The following ADGRL3 variants were observed in gnomAD, a reference collection of about 807,000 sequenced individuals.
The protein encoded by ADGRL3 is adhesion G protein-coupled receptor L3.
In ADGRL3, 62 loss-of-function variants were observed where a neutral mutation model predicts 153.5. The observed-to-expected ratio is 0.40, with a 90% CI of 0.33 to 0.50. ADGRL3 has a LOEUF of 0.50. Ranked by LOEUF, ADGRL3 falls within the 20% of genes least tolerant of loss-of-function variation. ADGRL3 has a pLI of 0.47. For missense variants in ADGRL3, 1,641 were observed against 1,859.4 expected (o/e 0.88, Z 2.16); for synonymous variants, 710 against 672.5 (o/e 1.06, Z -0.86).
intron 8 of ADGRL3, among the ~76,000 whole-genome samples, chr4:61,745,062 A>G (rs1249196909): frequency 6.6e-6 from 1 of 152,246 alleles, no homozygotes; most frequent in Non-Finnish European, 1.5e-5. Flanking sequence ...GAACTATGTG[A>G]AGAATGCAGA....
intron 6 of ADGRL3, among the ~76,000 whole-genome samples, chr4:61,707,321 C>G (rs1031880967): frequency 6.6e-6 from 1 of 152,156 alleles, no homozygotes; most frequent in South Asian, 2.1e-4. Context: ...TGTTGAAAAA[C>G]ATGGCGCCAA....
chr4:61,378,892 A>G (rs1467345039), intron 1 of ADGRL3, among the ~76,000 whole-genome samples: 1 of 151,982 alleles, frequency 6.6e-6, no homozygotes, highest in Non-Finnish European at 1.5e-5. Context: ...CCAGTGAGAC[A>G]AGATTAGTGG....
chr4:62,007,790 C>A (rs543244906), intron 21 of ADGRL3, among the ~76,000 whole-genome samples: 1 of 151,900 alleles, frequency 6.6e-6, no homozygotes, highest in Non-Finnish European at 1.5e-5. Flanking sequence ...GGGTCAGGGT[C>A]GATTTTATTT....
At chr4:61,876,705 G>T (rs1012090476) in intron 9 of ADGRL3, among the ~76,000 whole-genome samples, 9 of 150,736 alleles carry the variant, frequency 6.0e-5, no homozygotes. Flanking sequence ...GTTTGAGAAA[G>T]AAATAACCCT....
At chr4:62,042,757 T>C (rs1321649741) in intron 24 of ADGRL3, among the ~76,000 whole-genome samples, 2 of 152,090 alleles carry the variant, frequency 1.3e-5, no homozygotes, top group Admixed American at 1.3e-4. Flanking sequence ...GGTAAAAATC[T>C]TTAAAAATTC....
At chr4:61,269,868 A>G (rs1348429121) in intron 1 of ADGRL3, among the ~76,000 whole-genome samples, 2 of 151,700 alleles carry the variant, frequency 1.3e-5, no homozygotes, top group Non-Finnish European at 3.0e-5. Context: ...AGCTGGCAGA[A>G]TCTTTTACAA....
At chr4:61,291,594 A>G (rs1195431427) in intron 1 of ADGRL3, among the ~76,000 whole-genome samples, 5 of 11,198 alleles carry the variant, frequency 4.5e-4, no homozygotes, top group Non-Finnish European at 1.2e-3. Flanking sequence ...ATATATATAT[A>G]TATATATATA....
chr4:61,920,762 G>A (rs546056348), intron 13 of ADGRL3, among the ~76,000 whole-genome samples: 69 of 152,262 alleles, frequency 4.5e-4, no homozygotes, highest in African/African-American at 1.5e-3. Context: ...AGAAGGAAAA[G>A]GATAAGTATC....
chr4:61,595,148 T>G (rs948675650), intron 5 of ADGRL3, among the ~76,000 whole-genome samples: 19 of 152,178 alleles, frequency 1.2e-4, no homozygotes, highest in African/African-American at 4.6e-4. Flanking sequence ...AGGGCCTGAT[T>G]GCTACCCTAT....
intron 8 of ADGRL3, among the ~76,000 whole-genome samples, chr4:61,765,222 G>A (rs1024028193): frequency 6.6e-5 from 10 of 152,162 alleles, no homozygotes; most frequent in South Asian, 2.1e-4. Flanking sequence ...AGTTGAGAAC[G>A]GTGAATAGGA....
intron 6 of ADGRL3, among the ~76,000 whole-genome samples, chr4:61,681,226 A>G (rs1164113823): frequency 1.6e-4 from 24 of 152,132 alleles, no homozygotes; most frequent in Admixed American, 1.6e-3. Flanking sequence ...AGAAGGCAAT[A>G]AAACAACTAA....
intron 4 of ADGRL3, among the ~76,000 whole-genome samples, chr4:61,554,801 T>C (rs113085152): frequency 2.6e-5 from 4 of 152,136 alleles, no homozygotes; most frequent in Admixed American, 6.5e-5. Context: ...GGAAAACAGA[T>C]TGACGGAAGT....
At chr4:61,301,194 A>G (rs1480414698) in intron 1 of ADGRL3, among the ~76,000 whole-genome samples, 1 of 152,238 alleles carries the variant, frequency 6.6e-6, no homozygotes, top group Non-Finnish European at 1.5e-5. Context: ...TCTGGAAGAT[A>G]CTAGTAATTA....
intron 4 of ADGRL3, among the ~76,000 whole-genome samples, chr4:61,528,513 T>C (rs1222289933): frequency 6.6e-6 from 1 of 152,016 alleles, no homozygotes; most frequent in Admixed American, 6.6e-5. Context: ...AATAAATTAA[T>C]AGGATTTTGG....
intron 9 of ADGRL3, among the ~76,000 whole-genome samples, chr4:61,824,933 T>C (rs770135251): frequency 5.3e-5 from 8 of 152,196 alleles, no homozygotes; most frequent in Non-Finnish European, 1.0e-4. Context: ...GGAATTGTTA[T>C]ACATACAACA....
intron 5 of ADGRL3, among the ~76,000 whole-genome samples, chr4:61,596,855 C>G (rs1052533074): frequency 1.3e-5 from 2 of 151,950 alleles, no homozygotes; most frequent in Non-Finnish European, 2.9e-5. Flanking sequence ...AATACCCTGT[C>G]TCAAAAAACT....
At chr4:61,786,722 T>C (rs896323177) in intron 8 of ADGRL3, among the ~76,000 whole-genome samples, 3 of 152,212 alleles carry the variant, frequency 2.0e-5, no homozygotes, top group African/African-American at 7.2e-5. Context: ...TATAAATTAA[T>C]AAGATTTTTA....
At chr4:61,753,462 T>A (rs1192756818) in intron 8 of ADGRL3, among the ~76,000 whole-genome samples, 1 of 152,168 alleles carries the variant, frequency 6.6e-6, no homozygotes, top group Non-Finnish European at 1.5e-5. Context: ...TATGGAAGTT[T>A]CCAGTCTCAA....
At position 61,923,443 on chromosome 4, in the gene ADGRL3, T is replaced by G. The variant is rs1581477930; in HGVS notation, c.2112+10686T>G. Among the ~76,000 whole-genome samples the G allele has an allele frequency of 2.7e-5, 4 of 150,862 alleles. No individual in the cohort carries two copies. In the South Asian group the frequency reaches 8.3e-4, roughly 31 times the overall value. On this transcript the variant is annotated intron_variant, in intron 13 of 26. Coordinates refer to ENST00000683033, the MANE Select transcript of ADGRL3 (RefSeq NM_001387552.1). ...TGTCCCTTACTCTCTTTTGCCCTTA[T>G]AGAAAAAAATCCCTTTTTGAACTAC...
Sources: allele counts gnomAD v4.1 joint callset (sites outside exome capture counted in the v4.1 genomes callset), GRCh38; gene constraint gnomAD v4.1.1; transcripts MANE v1.5; gene names NCBI Gene and HGNC (gene_info 2026-07-23, HGNC 2026-07-21).